INSR: variants seen among roughly 807,000 people sequenced by gnomAD.
INSR encodes insulin receptor, also known as IR.
INSR carries 67 observed loss-of-function variants against 142.6 expected under a neutral mutation model. That is an observed-to-expected ratio of 0.47 (90% CI 0.39 to 0.58). The LOEUF (loss-of-function observed/expected upper bound fraction) is 0.58, where lower values mean the gene tolerates loss of function less well. INSR is among the 20% of genes least tolerant of loss of function. The pLI, the probability that INSR is intolerant of heterozygous loss-of-function variation, is 0.00. For missense variants in INSR, 1,248 were observed against 1,833.2 expected (o/e 0.68, Z 5.83); for synonymous variants, 756 against 743.1 (o/e 1.02, Z -0.28).
intron 9 of INSR, among the ~76,000 whole-genome samples, chr19:7,153,224 C>T (rs1305221121): frequency 9.5e-3 from 3 of 316 alleles, no homozygotes; most frequent in African/African-American, 0.013. Context: ...CACACACACG[C>T]ACCACACACA....
chr19:7,250,031 G>A lies in INSR; in HGVS notation c.652+17314C>T, dbSNP rs145740655. ...TAAAATAACTGGGCATGGTGACAGG[G>A]GCCTGTAGTCCCAACTACTCTGGAG... On this transcript the variant is annotated intron_variant, in intron 2 of 21. Coordinates refer to ENST00000302850, the MANE Select transcript of INSR (RefSeq NM_000208.4). 7.5e-3 allele frequency among the ~76,000 whole-genome samples: 1,133 copies of A among 151,564 alleles called. 13 individuals carry two copies. Among genetic ancestry groups the A allele is most frequent in the African/African-American group, 0.026 (1,077 of 41,362 alleles).
chr19:7,146,253 T>G (rs1407708261), intron 11 of INSR, among the ~76,000 whole-genome samples: 1 of 149,554 alleles, frequency 6.7e-6, no homozygotes, highest in Admixed American at 6.6e-5. Context: ...TTTTTTTTTT[T>G]TTTTTGAGAC....
Position 7,119,434 on chromosome 19 carries a change from C to A in INSR, c.3794+15G>T. 6.2e-7 allele frequency: 1 copy of A among 1,614,112 alleles called. No individual in the cohort carries two copies. ...AACGAACACCTCACACACCTTAAAC[C>A]CTTTCTACACTTACACTCTCTCTGG... On this transcript the variant is annotated intron_variant, in intron 21 of 21. Coordinates refer to ENST00000302850, the MANE Select transcript of INSR (RefSeq NM_000208.4). The surrounding 1 kb of genome is among the most constrained non-coding windows in gnomAD (Gnocchi z 5.2).
chr19:7,229,181 A>C (rs1213299330), intron 2 of INSR, among the ~76,000 whole-genome samples: 1 of 111,032 alleles, frequency 9.0e-6, no homozygotes, highest in Non-Finnish European at 1.8e-5. Flanking sequence ...TGATGGATGA[A>C]TGGGTGAGTG....
Position 7,166,530 on chromosome 19 carries a change from A to T in INSR, c.1611-126T>A. ...GTTACTCACCCAACAATCTAATGCC[A>T]CAAGAAAAAATAACTCGGGAACAGC... On this transcript the variant is annotated intron_variant, in intron 7 of 21. Transcript: ENST00000302850. The surrounding 1 kb of genome is among the most constrained non-coding windows in gnomAD (Gnocchi z 4.1). The T allele has an allele frequency of 9.8e-7, 1 of 1,022,704 alleles. No individual in the cohort carries two copies. Among genetic ancestry groups the T allele is most frequent in the Non-Finnish European group, 1.5e-6 (1 of 683,366 alleles). 63.4% of individuals were successfully genotyped at this position (1,022,704 alleles called of 1,614,324 possible).
intron 13 of INSR, among the ~76,000 whole-genome samples, chr19:7,139,350 T>C (rs1300033975): frequency 6.6e-6 from 1 of 152,196 alleles, no homozygotes; most frequent in Non-Finnish European, 1.5e-5. Flanking sequence ...TCCAAAAAGC[T>C]AAAATGGTTT....
At chr19:7,213,141 C>T (rs373631924) in intron 2 of INSR, among the ~76,000 whole-genome samples, 6 of 151,952 alleles carry the variant, frequency 3.9e-5, no homozygotes, top group South Asian at 2.1e-4. Flanking sequence ...GTCAGGAGAT[C>T]GAGACCATCC....
Position 7,267,427 on chromosome 19 carries a change from C to T in INSR, c.570G>A (p.Ala190=), listed in dbSNP as rs1967769885. 3 of 1,614,128 alleles carry T rather than the reference C, an allele frequency of 1.9e-6. No homozygotes were observed. Among genetic ancestry groups the T allele is most frequent in the African/African-American group, 2.7e-5 (2 of 75,028 alleles). ...TGGCGGGGCAGTTGGTCTTGCCCTT[C>T]GCGGTACCCGGACAGATGTCTCCAC... ...EECGDICPGT[A]KGKTNCPATV... is the part of the protein sequence containing the mutation. The change falls in exon 2 of 22, where the codon GCG becomes GCA. Residue 190 remains alanine (A), a synonymous_variant. Transcript: ENST00000302850. This position sits in a 1 kb window ranked among gnomAD's most constrained non-coding sequence, Gnocchi z 6.3.
intron 9 of INSR, among the ~76,000 whole-genome samples, chr19:7,156,823 C>G (rs1292794371): frequency 9.2e-6 from 1 of 108,370 alleles, no homozygotes; most frequent in Non-Finnish European, 1.7e-5. Flanking sequence ...GGGTCTTGCT[C>G]TGTCGCCCAG....
intron 9 of INSR, among the ~76,000 whole-genome samples, chr19:7,157,049 C>T (rs373697984): frequency 2.0e-5 from 3 of 151,882 alleles, no homozygotes; most frequent in East Asian, 1.9e-4. Flanking sequence ...GGCGCTATCT[C>T]GGCTCACTGC....
chr19:7,293,866 G>A lies in INSR; in HGVS notation c.26C>T (p.Ala9Val). MATGGRRG[A>V]AAAPLLVAVA... ...CGCCACCAGCAGCGGCGCGGCCGCCGCCCCCCGCCGGCCCCCGGTGGCCAT... is the reference window on the plus strand; with the variant it reads ...CGCCACCAGCAGCGGCGCGGCCGCCACCCCCCGCCGGCCCCCGGTGGCCAT... Residue 9 changes from alanine to valine, a missense_variant, in exon 1 of 22, where the codon GCG (alanine) becomes GTG (valine). Physicochemically the swap from Ala to Val is moderately conservative, Grantham distance 64 (BLOSUM62 0). Coordinates refer to ENST00000302850, the MANE Select transcript of INSR (RefSeq NM_000208.4). The A allele has an allele frequency of 1.6e-6, 2 of 1,240,458 alleles. No individual in the cohort carries two copies. Among genetic ancestry groups the A allele is most frequent in the Non-Finnish European group, 2.0e-6 (2 of 998,282 alleles). 76.8% of individuals were successfully genotyped at this position (1,240,458 alleles called of 1,614,324 possible). A position where few individuals can be genotyped will look rare whatever the true frequency, so the allele number is the denominator to read the frequency against.
chr19:7,157,724 C>T (rs1973633508), intron 9 of INSR, among the ~76,000 whole-genome samples: 1 of 151,852 alleles, frequency 6.6e-6, no homozygotes, highest in African/African-American at 2.4e-5. Flanking sequence ...CCCTGGAGAG[C>T]CACCTCCCCT....
intron 2 of INSR, among the ~76,000 whole-genome samples, chr19:7,242,723 C>T (rs867650246): frequency 1.9e-5 from 2 of 104,360 alleles, no homozygotes; most frequent in East Asian, 2.9e-4. Flanking sequence ...GGTGACACAG[C>T]GAGACTGCCT....
At position 7,168,428 on chromosome 19, in the gene INSR, C is replaced by T. The variant is rs1258843238; in HGVS notation, c.1484-334G>A. ...GGGATTTCCAAGGGTGATGTTTGTC[C>T]TGACACAACGTTGTCTCGCATATGG... On this transcript the variant is annotated intron_variant, in intron 6 of 21. Transcript: ENST00000302850. The surrounding 1 kb of genome is among the most constrained non-coding windows in gnomAD (Gnocchi z 4.3). Among the ~76,000 whole-genome samples, 1 of 152,202 alleles carries T rather than the reference C, an allele frequency of 6.6e-6. No homozygotes were observed. The highest frequency in any genetic ancestry group is 1.5e-5 in the Non-Finnish European group (1 of 68,042).
chr19:7,201,362 T>C (rs1377173102), intron 2 of INSR, among the ~76,000 whole-genome samples: 5 of 152,122 alleles, frequency 3.3e-5, no homozygotes, highest in African/African-American at 1.2e-4. Context: ...AAATGACATC[T>C]GTTTTTAATC....
In INSR at chr19:7,148,508, C is replaced by T. The variant is rs1436485007; in HGVS notation, c.2267+1989G>A. Among the ~76,000 whole-genome samples the T allele has an allele frequency of 1.6e-4, 16 of 100,002 alleles. 1 individual carries two copies. Among genetic ancestry groups the T allele is most frequent in the Admixed American group, 1.0e-3 (8 of 7,808 alleles). 65.6% of individuals were successfully genotyped at this position (100,002 alleles called of 152,430 possible). ...TTTTTTTTTTTTTGAGACAGAGTCT[C>T]GCTCTGTCACCCAGGCTGGAATGCA... On this transcript the variant is annotated intron_variant, in intron 11 of 21. Transcript: ENST00000302850.
At chr19:7,262,604 G>A (rs960106722) in intron 2 of INSR, among the ~76,000 whole-genome samples, 2 of 152,196 alleles carry the variant, frequency 1.3e-5, no homozygotes, top group African/African-American at 4.8e-5. Context: ...CCAAGTGCCC[G>A]TAGATGGATG....
chr19:7,202,917 T>C (rs1361412763), intron 2 of INSR, among the ~76,000 whole-genome samples: 1 of 152,198 alleles, frequency 6.6e-6, no homozygotes, highest in Admixed American at 6.5e-5. Flanking sequence ...ATTCCAGTTA[T>C]GCTTACTTGC....
intron 1 of INSR, among the ~76,000 whole-genome samples, chr19:7,273,195 T>C (rs552837760): frequency 1.4e-4 from 22 of 152,350 alleles, no homozygotes; most frequent in African/African-American, 4.8e-4. Context: ...ACAGCTATAA[T>C]TGTAGGGAAC....
Sources: allele counts gnomAD v4.1 joint callset (sites outside exome capture counted in the v4.1 genomes callset), GRCh38; gene constraint gnomAD v4.1.1; non-coding constraint Gnocchi (gnomAD v3.1); transcripts MANE v1.5; gene names NCBI Gene and HGNC (gene_info 2026-07-23, HGNC 2026-07-21).